The following LZTFL1 variants were observed in gnomAD, a reference collection of about 807,000 sequenced individuals.
The protein encoded by LZTFL1 is leucine zipper transcription factor-like protein 1.
LZTFL1 carries 25 observed loss-of-function variants against 45.9 expected under a neutral mutation model. That is an observed-to-expected ratio of 0.54 (90% CI 0.40 to 0.76). LZTFL1 has a LOEUF of 0.76. LZTFL1 is among the 30% of genes least tolerant of loss of function. LZTFL1 has a pLI of 0.00. For synonymous variants in LZTFL1, 93 were observed against 117.4 expected, an observed-to-expected ratio of 0.79 and a Z score of 1.35; for missense variants, 277 against 331.1, an observed-to-expected ratio of 0.84 and a Z score of 1.27.
intron 1 of LZTFL1, 98 bp from the exon 2 acceptor site, chr3:45,838,149 G>A: frequency 1.6e-6 from 2 of 1,289,184 alleles, no homozygotes; most frequent in African/African-American, 3.0e-5. Context: ...GAGACTGCTA[G>A]ATCTCCATCA....
At chr3:45,862,984 C>T (rs971220504) in intron 2 of LZTFL1, among the ~76,000 whole-genome samples, 3 of 152,152 alleles carry the variant, frequency 2.0e-5, no homozygotes, top group Non-Finnish European at 4.4e-5. Context: ...TGTTTTAAAT[C>T]AAACTCAGTT....
At chr3:45,851,468 G>A (rs61587933) in intron 4 of LZTFL1, among the ~76,000 whole-genome samples, 10,355 of 151,484 alleles carry the variant, frequency 0.068, 494 homozygotes, top group East Asian at 0.25. Flanking sequence ...CTCATGATCC[G>A]CCCGCCTCGG....
At chr3:45,874,152 C>T (rs1226606868) in intron 2 of LZTFL1, among the ~76,000 whole-genome samples, 2 of 152,156 alleles carry the variant, frequency 1.3e-5, no homozygotes, top group Admixed American at 6.5e-5. Flanking sequence ...CATTAATATT[C>T]CCTTTGCTTT....
upstream of LZTFL1, among the ~76,000 whole-genome samples, chr3:45,842,359 G>C (rs1027319513): frequency 1.3e-5 from 2 of 152,236 alleles, no homozygotes. Context: ...TTCGCGCCTC[G>C]TGGCGTCCGC....
intron 7 of LZTFL1, 81 bp downstream of exon 7, chr3:45,830,832 G>A (rs1700794011): frequency 1.2e-5 from 14 of 1,179,036 alleles, no homozygotes; most frequent in Non-Finnish European, 1.6e-5. Flanking sequence ...GGTACAGTGA[G>A]CAGTAACTAA....
At chr3:45,912,222 G>C (rs1702807617) in intron 2 of LZTFL1, among the ~76,000 whole-genome samples, 1 of 152,248 alleles carries the variant, frequency 6.6e-6, no homozygotes, top group Non-Finnish European at 1.5e-5. Flanking sequence ...ACTTGTATGA[G>C]TGTATCTGGA....
At chr3:45,843,225 A>C (rs541062516), upstream of LZTFL1, among the ~76,000 whole-genome samples, 1 of 152,244 alleles carries the variant, frequency 6.6e-6, no homozygotes, top group African/African-American at 2.4e-5. Flanking sequence ...TTCCAAGCTC[A>C]GTTAAACTTC....
intron 3 of LZTFL1, 123 bp downstream of exon 3, chr3:45,835,467 G>C (rs1292296643): frequency 3.6e-6 from 3 of 842,578 alleles, no homozygotes; most frequent in Non-Finnish European, 5.8e-6. Flanking sequence ...ATGCTTTGCT[G>C]TTACCCTACC....
intron 2 of LZTFL1, among the ~76,000 whole-genome samples, chr3:45,872,550 G>T (rs1701686844): frequency 2.0e-5 from 3 of 152,144 alleles, no homozygotes. Flanking sequence ...AGGACTTCCT[G>T]GGGGGCTTGT....
At chr3:45,898,293 C>T (rs1702433686) in intron 2 of LZTFL1, among the ~76,000 whole-genome samples, 2 of 152,288 alleles carry the variant, frequency 1.3e-5, no homozygotes, top group South Asian at 2.1e-4. Flanking sequence ...AGCTGGTTCC[C>T]GTGTCCAGCG....
At position 45,900,825 on chromosome 3, in the gene LZTFL1, A is replaced by C. The variant is rs778215169; in HGVS notation, c.-215+12295T>G. On this transcript the variant is annotated intron_variant, in intron 2 of 4. Transcript: ENST00000472635. This position sits in a 1 kb window ranked among gnomAD's most constrained non-coding sequence, Gnocchi z 4.7. ...CCCCTTGCAGAGCCCTATTCCTAAC[A>C]TGGCTGATGACTATGGCTCTGAATC... 6.2e-7 allele frequency: 1 copy of C among 1,612,144 alleles called. No homozygotes were observed. The highest frequency in any genetic ancestry group is 8.5e-7 in the Non-Finnish European group (1 of 1,178,600).
At position 45,901,944 on chromosome 3, in the gene LZTFL1, T is replaced by G. The variant is rs1266929937; in HGVS notation, c.-215+11176A>C. ...TGGTTCTTTTGGAAGAAATGAGAAA[T>G]ACAGAAACAGTTTCCCCACTGATGG... On this transcript the variant is annotated intron_variant, in intron 2 of 4. Coordinates refer to the LZTFL1 transcript ENST00000472635. This position sits in a 1 kb window ranked among gnomAD's most constrained non-coding sequence, Gnocchi z 4.3. 2 of 1,486,926 alleles carry G rather than the reference T, an allele frequency of 1.3e-6. No homozygotes were observed. The highest frequency in any genetic ancestry group is 2.8e-5 in the African/African-American group (2 of 71,072). The allele number at this position is 1,486,926 out of a possible 1,614,324, so 92.1% of individuals were successfully genotyped here.
At chr3:45,847,984 G>T (rs1701244730) in intron 4 of LZTFL1, among the ~76,000 whole-genome samples, 1 of 152,100 alleles carries the variant, frequency 6.6e-6, no homozygotes, top group Non-Finnish European at 1.5e-5. Context: ...GTTGGCAGAA[G>T]CTGCCAACTA....
chr3:45,866,312 C>T (rs909813930), intron 2 of LZTFL1, among the ~76,000 whole-genome samples: 2 of 151,944 alleles, frequency 1.3e-5, no homozygotes, highest in Non-Finnish European at 2.9e-5. Flanking sequence ...AATGAATCTA[C>T]AAAAAAGTAA....
chr3:45,840,650 C>T (rs534554353), intron 1 of LZTFL1, among the ~76,000 whole-genome samples: 14 of 152,198 alleles, frequency 9.2e-5, no homozygotes, highest in Non-Finnish European at 1.6e-4. Flanking sequence ...TGAAAACATA[C>T]AGCAAGAAAT....
intron 2 of LZTFL1, among the ~76,000 whole-genome samples, chr3:45,886,039 T>C (rs1189686612): frequency 6.6e-6 from 1 of 152,196 alleles, no homozygotes; most frequent in East Asian, 1.9e-4. Flanking sequence ...TTTTAATTAA[T>C]TTGAATTTAA....
chr3:45,914,287 AT>A (rs61169591), intron 1 of LZTFL1, among the ~76,000 whole-genome samples: 53,918 of 142,134 alleles, frequency 0.38, 10,594 homozygotes, highest in African/African-American at 0.53. Flanking sequence ...ATGGATCTGC[AT>A]TTTTTTTTTT....
At chr3:45,876,399 T>C (rs915204330) in intron 2 of LZTFL1, among the ~76,000 whole-genome samples, 2 of 152,236 alleles carry the variant, frequency 1.3e-5, no homozygotes, top group African/African-American at 4.8e-5. Flanking sequence ...TTTGGCACCG[T>C]GTGGGTGCCA....
upstream of LZTFL1, among the ~76,000 whole-genome samples, chr3:45,843,148 G>A (rs1701159268): frequency 6.6e-6 from 1 of 152,230 alleles, no homozygotes; most frequent in South Asian, 2.1e-4. Flanking sequence ...AATGGCATTT[G>A]GGCAGGATCC....
Sources: gnomAD v4.1 joint callset for allele counts (sites outside exome capture counted in the v4.1 genomes callset) on GRCh38, gnomAD v4.1.1 for gene constraint, Gnocchi (gnomAD v3.1) non-coding constraint, MANE v1.5 for transcripts, NCBI Gene and HGNC (gene_info 2026-07-23, HGNC 2026-07-21) for gene names.